NCMAP: variants seen among roughly 807,000 people sequenced by gnomAD.
NCMAP encodes non-compact myelin associated protein.
NCMAP carries 8 observed loss-of-function variants against 7.8 expected under a neutral mutation model. The ratio of observed to expected loss-of-function variants is 1.02; its 90% CI spans 0.60 to 1.84. The LOEUF (loss-of-function observed/expected upper bound fraction) is 1.84. Ranked by LOEUF, NCMAP falls within the 40% of genes most tolerant of loss-of-function variation. NCMAP has a pLI of 0.00. For missense variants in NCMAP, 112 were observed against 131.4 expected, an observed-to-expected ratio of 0.85 and a Z score of 0.72; for synonymous variants, 41 against 52.9, an observed-to-expected ratio of 0.78 and a Z score of 0.98.
chr1:24,594,319 C>G (rs770077364), intron 1 of NCMAP, among the ~76,000 whole-genome samples: 1 of 152,056 alleles, frequency 6.6e-6, no homozygotes, highest in East Asian at 1.9e-4. Flanking sequence ...AACATTGTAG[C>G]CTTGTGCATT....
chr1:24,603,364 A>G (rs4649003), intron 3 of NCMAP, among the ~76,000 whole-genome samples: 89,888 of 151,890 alleles, frequency 0.59, 26,942 homozygotes, highest in African/African-American at 0.68. Context: ...ACATTAAAAA[A>G]TTATTTAAAA....
chr1:24,602,286 A>C (rs182876012), intron 3 of NCMAP, among the ~76,000 whole-genome samples: 1 of 152,250 alleles, frequency 6.6e-6, no homozygotes, highest in Non-Finnish European at 1.5e-5. Context: ...GAGGAATGGT[A>C]AACACGCATT....
In NCMAP at chr1:24,576,496, C is replaced by T. The variant is rs1251812445; in HGVS notation, c.-7-18928C>T. On this transcript the variant is annotated intron_variant, in intron 1 of 3. Transcript: ENST00000374392. The surrounding 1 kb of genome is among the most constrained non-coding windows in gnomAD (Gnocchi z 4.0). The stretch of plus-strand genomic sequence containing the variant: ...GCAGGAAAGGGGAGGGGTGTTCCTT[C>T]TGGAATGGAGGGTGTGGAGGCAAAC... Among the ~76,000 whole-genome samples, 1 of 152,104 alleles carries T rather than the reference C, an allele frequency of 6.6e-6. No individual in the cohort carries two copies. Among genetic ancestry groups the T allele is most frequent in the Non-Finnish European group, 1.5e-5 (1 of 68,022 alleles).
At position 24,597,694 on chromosome 1, in the gene NCMAP, G is replaced by GAAAGAA. The variant is rs138105001; in HGVS notation, c.82+2183_82+2184insAAGAAA. Among the ~76,000 whole-genome samples the GAAAGAA allele has an allele frequency of 6.9e-4, 88 of 127,924 alleles. 1 individual carries two copies. The highest frequency in any genetic ancestry group is 9.3e-4 in the Non-Finnish European group (55 of 58,970). 83.9% of individuals were successfully genotyped at this position (127,924 alleles called of 152,430 possible). A position where few individuals can be genotyped will look rare whatever the true frequency, so the allele number is the denominator to read the frequency against. ...AAGAAAAGAAAAAGAAAGAAAGAAA[G>GAAAGAA]AGAAAGAAGGAAAGATTGGTTGGTT... On this transcript the variant is annotated intron_variant, in intron 2 of 3. Coordinates refer to ENST00000374392, the MANE Select transcript of NCMAP (RefSeq NM_001010980.5).
chr1:24,570,897 G>T (rs543086851), intron 1 of NCMAP, among the ~76,000 whole-genome samples: 2 of 150,912 alleles, frequency 1.3e-5, no homozygotes, highest in African/African-American at 2.5e-5. Flanking sequence ...AGTTGGTGTT[G>T]GTAGGAGAGG....
chr1:24,582,167 C>G (rs1314954226), intron 1 of NCMAP, among the ~76,000 whole-genome samples: 2 of 152,166 alleles, frequency 1.3e-5, no homozygotes, highest in African/African-American at 4.8e-5. Context: ...CGACCACCCC[C>G]TGCACACATC....
intron 1 of NCMAP, among the ~76,000 whole-genome samples, chr1:24,590,943 C>T (rs528105911): frequency 4.6e-5 from 7 of 152,322 alleles, no homozygotes; most frequent in East Asian, 1.9e-4. Context: ...ACTCTCAGCT[C>T]CCTTAGGGAA....
chr1:24,590,023 C>T (rs1204695274), intron 1 of NCMAP, among the ~76,000 whole-genome samples: 1 of 152,100 alleles, frequency 6.6e-6, no homozygotes, highest in Non-Finnish European at 1.5e-5. Context: ...TGGTGTCAAA[C>T]TCCTGACTTC....
rs1652817111 is a variant in NCMAP at position 24,607,915 on chromosome 1, G to A, written c.*2168G>A. 6.6e-6 allele frequency: 1 copy of A among 152,170 alleles called. No individual in the cohort carries two copies. Among genetic ancestry groups the A allele is most frequent in the Non-Finnish European group, 1.5e-5 (1 of 68,056 alleles). The allele number at this position is 152,170 out of a possible 1,614,324, so 9.4% of individuals were successfully genotyped here. A position where few individuals can be genotyped will look rare whatever the true frequency, so the allele number is the denominator to read the frequency against. On this transcript the variant is annotated 3_prime_UTR_variant, in exon 4 of 4. Coordinates refer to ENST00000374392, the MANE Select transcript of NCMAP (RefSeq NM_001010980.5). Reference sequence around the variant, plus strand: ...GAAATCAAGAGTCAGGGAGGTAAGAGGTCTTACCCAGGGTCACACAGCTCA... The same window carrying A: ...GAAATCAAGAGTCAGGGAGGTAAGAAGTCTTACCCAGGGTCACACAGCTCA...
chr1:24,559,621 G>A (rs1229598886), intron 1 of NCMAP, among the ~76,000 whole-genome samples: 1 of 152,218 alleles, frequency 6.6e-6, no homozygotes, highest in East Asian at 1.9e-4. Flanking sequence ...CTGTTCTCTA[G>A]CTGGGCTCAG....
At chr1:24,583,159 A>G (rs1291428279) in intron 1 of NCMAP, among the ~76,000 whole-genome samples, 1 of 152,120 alleles carries the variant, frequency 6.6e-6, no homozygotes, top group Non-Finnish European at 1.5e-5. Flanking sequence ...AGCAGAGAAA[A>G]TTTTGTCTCC....
chr1:24,556,440 A>G (rs1650898404), intron 1 of NCMAP, among the ~76,000 whole-genome samples: 2 of 152,046 alleles, frequency 1.3e-5, no homozygotes, highest in South Asian at 4.1e-4. Flanking sequence ...TCCCCTCCCC[A>G]CCCAAGCATC....
Position 24,601,026 on chromosome 1 carries a change from T to A in NCMAP, c.167+2T>A. ...GATCCTGCTGAAGATGTACAACAGG[T>A]ACGGATGCCCTGGGCTTTGGAACTG... On this transcript the variant is annotated splice_donor_variant, in intron 3 of 3. Transcript: ENST00000374392. LOFTEE classifies it high-confidence loss of function. 1 of 1,613,414 alleles carries A rather than the reference T, an allele frequency of 6.2e-7. No homozygotes were observed. Among genetic ancestry groups the A allele is most frequent in the African/African-American group, 1.3e-5 (1 of 75,016 alleles).
At chr1:24,584,601 C>A (rs115835866) in intron 1 of NCMAP, among the ~76,000 whole-genome samples, 1 of 151,778 alleles carries the variant, frequency 6.6e-6, no homozygotes, top group Admixed American at 6.6e-5. Flanking sequence ...CCACAGGCTG[C>A]GGCTTTTGCC....
At chr1:24,580,483 G>A (rs1651712485) in intron 1 of NCMAP, among the ~76,000 whole-genome samples, 1 of 152,082 alleles carries the variant, frequency 6.6e-6, no homozygotes, top group African/African-American at 2.4e-5. Flanking sequence ...ATGGAGTCTT[G>A]CTCTGTCACC....
At chr1:24,601,068 A>G (rs969888072) in intron 3 of NCMAP, 44 bp downstream of exon 3, 3 of 1,521,696 alleles carry the variant, frequency 2.0e-6, no homozygotes, top group Admixed American at 1.7e-5. Context: ...CGGTCCCTTC[A>G]GTGACATCAG....
chr1:24,561,302 G>A lies in NCMAP; in HGVS notation c.-8+5133G>A, dbSNP rs183651034. 6.9e-3 allele frequency among the ~76,000 whole-genome samples: 1,043 copies of A among 151,652 alleles called. 8 individuals carry two copies. The highest frequency in any genetic ancestry group is 0.027 in the Middle Eastern group (8 of 294). ...GCGGAGGTTGCAGTGAGCCGAGATC[G>A]CACCACTGCCCTCCAGCCTGGGTGA... On this transcript the variant is annotated intron_variant, in intron 1 of 3. Transcript: ENST00000374392.
chr1:24,586,622 G>C (rs997382886), intron 1 of NCMAP, among the ~76,000 whole-genome samples: 1 of 152,214 alleles, frequency 6.6e-6, no homozygotes, highest in Middle Eastern at 3.4e-3. Flanking sequence ...TTAGCTGGGC[G>C]TGGTGGCAGG....
intron 1 of NCMAP, among the ~76,000 whole-genome samples, chr1:24,570,516 C>G (rs550209605): frequency 6.6e-6 from 1 of 150,778 alleles, no homozygotes; most frequent in Non-Finnish European, 1.5e-5. Context: ...CATAAACAAA[C>G]AAAGTACTTA....
Sources: allele counts gnomAD v4.1 joint callset (sites outside exome capture counted in the v4.1 genomes callset), GRCh38; gene constraint gnomAD v4.1.1; non-coding constraint Gnocchi (gnomAD v3.1); transcripts MANE v1.5; gene names NCBI Gene and HGNC (gene_info 2026-07-23, HGNC 2026-07-21).